Variants in GOLGA4 observed in about 807,000 individuals in gnomAD.
GOLGA4 encodes the protein golgin A4, also known as golgin subfamily A member 4.
In GOLGA4, 169 loss-of-function variants were observed where a neutral mutation model predicts 265.9. The observed-to-expected ratio is 0.64, with a 90% CI of 0.56 to 0.72. The LOEUF (loss-of-function observed/expected upper bound fraction) is 0.72, where lower values mean the gene tolerates loss of function less well. Ranked by LOEUF, GOLGA4 falls within the 30% of genes least tolerant of loss-of-function variation. The probability of loss-of-function intolerance (pLI) is 0.00; values close to 1 mark genes in which losing one functional copy is unlikely to be tolerated. For synonymous variants in GOLGA4, 923 were observed against 855.8 expected (o/e 1.08, Z -1.37); for missense variants, 2,482 against 2,483.4 (o/e 1.00, Z 0.01).
In GOLGA4 at chr3:37,335,119, A is replaced by G; in HGVS notation, c.6259A>G (p.Lys2087Glu). Residue 2087 changes from lysine (K) to glutamate (E), a missense_variant, in exon 17 of 24, where the codon AAA (lysine) becomes GAA (glutamate). By Grantham distance (56) the Lys-to-Glu change is moderately conservative. Coordinates refer to ENST00000361924, the MANE Select transcript of GOLGA4 (RefSeq NM_002078.5). ...GACTCAACTTGAGGAGCTGCAGAAG[A>G]AATACCAGCAAAAGCTAGAGCAGGA... ...LQTQLEELQK[K>E]YQQKLEQEEN... The G allele has an allele frequency of 2.1e-5, 34 of 1,608,548 alleles. No individual in the cohort carries two copies. The highest frequency in any genetic ancestry group is 2.9e-5 in the Non-Finnish European group (34 of 1,176,658).
rs992839070 is a variant in GOLGA4, at chr3:37,302,272, A to C, written c.1174A>C (p.Lys392Gln). Residue 392 changes from lysine (K) to glutamine (Q), a missense_variant, in exon 10 of 24, where the codon AAA becomes CAA. By Grantham distance (53) the Lys-to-Gln change is moderately conservative. Coordinates refer to ENST00000361924, the MANE Select transcript of GOLGA4 (RefSeq NM_002078.5). ...EEIAQLRSRI[K>Q]QMTTQGEELR... ...AATTGCTCAACTCCGTAGTCGCATC[A>C]AACAGATGACTACCCAGGGAGAGGA... The C allele has an allele frequency of 1.9e-6, 3 of 1,613,366 alleles. No homozygotes were observed. The highest frequency in any genetic ancestry group is 2.7e-5 in the African/African-American group (2 of 75,032).
At chr3:37,316,492 A>G (rs191129340) in intron 11 of GOLGA4, among the ~76,000 whole-genome samples, 152 of 152,222 alleles carry the variant, frequency 1.0e-3, no homozygotes, top group African/African-American at 3.5e-3. Context: ...CTGCTGAACT[A>G]TAGGTAATTT....
Position 37,323,936 on chromosome 3 carries a change from A to T in GOLGA4, c.2050A>T (p.Thr684Ser), listed in dbSNP as rs2096962383. ...KTLEKLDVKQ[T>S]ELESLSSELS... Reference sequence around the variant, plus strand: ...TTTAGAAAAGCTTGATGTGAAGCAAACAGAACTAGAATCATTATCTTCTGA... The same window carrying T: ...TTTAGAAAAGCTTGATGTGAAGCAATCAGAACTAGAATCATTATCTTCTGA... The change falls in exon 14 of 24, where the codon ACA becomes TCA. Residue 684 changes from threonine to serine, a missense_variant. By Grantham distance (58) the Thr-to-Ser change is moderately conservative. This residue lies in a region of GOLGA4 where 1,536 missense variants were observed against 1,483.7 expected (regional missense o/e 1.04). Coordinates refer to ENST00000361924, the MANE Select transcript of GOLGA4 (RefSeq NM_002078.5). 1 of 1,613,524 alleles carries T rather than the reference A, an allele frequency of 6.2e-7. No individual in the cohort carries two copies. Among genetic ancestry groups the T allele is most frequent in the African/African-American group, 1.3e-5 (1 of 74,900 alleles).
chr3:37,333,026 G>A (rs79142760), intron 16 of GOLGA4, among the ~76,000 whole-genome samples: 5,842 of 152,248 alleles, frequency 0.038, 143 homozygotes, highest in African/African-American at 0.056. Context: ...TTCTCTAGTC[G>A]TGAGAATCTG....
rs755782116 is a variant in GOLGA4 at position 37,302,287 on chromosome 3, C to T, written c.1189C>T (p.Gln397Ter). The T allele has an allele frequency of 2.5e-6, 4 of 1,613,186 alleles. No individual in the cohort carries two copies. Among genetic ancestry groups the T allele is most frequent in the Non-Finnish European group, 3.4e-6 (4 of 1,179,314 alleles). Residue 397 changes from glutamine to a stop codon, truncating the protein, a stop_gained, in exon 10 of 24, where the codon CAG becomes TAG. Transcript: ENST00000361924. LOFTEE classifies it high-confidence loss of function. ...TAGTCGCATCAAACAGATGACTACC[C>T]AGGGAGAGGAATTACGGGAACAGAA... ...LRSRIKQMTT[Q>*]GEELREQKEK...
rs905315990 is a variant in GOLGA4, at chr3:37,341,378, A to G, written c.6472+1179A>G. On this transcript the variant is annotated intron_variant, in intron 20 of 23. Coordinates refer to ENST00000361924, the MANE Select transcript of GOLGA4 (RefSeq NM_002078.5). ...GTTTTGTAAACCTTTCTGCTTTCCT[A>G]TGGGAAGCATGAGGACATAAAAACC... is the stretch of plus-strand genomic sequence containing the variant. Among the ~76,000 whole-genome samples, 6 of 152,114 alleles carry G rather than the reference A, an allele frequency of 3.9e-5. No individual in the cohort carries two copies. In the East Asian group the frequency reaches 7.7e-4, roughly 20 times the overall value.
intron 22 of GOLGA4, among the ~76,000 whole-genome samples, chr3:37,357,162 G>A (rs1411060455): frequency 6.6e-6 from 1 of 152,110 alleles, no homozygotes; most frequent in Non-Finnish European, 1.5e-5. Flanking sequence ...ATTCATTCTA[G>A]GTAGGGATGA....
At chr3:37,253,489 A>G (rs2096739706) in intron 2 of GOLGA4, among the ~76,000 whole-genome samples, 1 of 152,174 alleles carries the variant, frequency 6.6e-6, no homozygotes, top group Non-Finnish European at 1.5e-5. Flanking sequence ...AGTTGTCAAA[A>G]AAGCTTAAAA....
chr3:37,272,877 T>C (rs1041433400), intron 2 of GOLGA4, among the ~76,000 whole-genome samples: 1 of 152,186 alleles, frequency 6.6e-6, no homozygotes, highest in African/African-American at 2.4e-5. Flanking sequence ...GTGTAGAATT[T>C]TGAACCTCAA....
At chr3:37,282,322 C>G (rs1463514085) in intron 3 of GOLGA4, 50 bp downstream of exon 3, 16 of 1,333,996 alleles carry the variant, frequency 1.2e-5, no homozygotes, top group Admixed American at 1.7e-5. Flanking sequence ...CCCTTGTTCT[C>G]TCATTCATAT....
intron 22 of GOLGA4, among the ~76,000 whole-genome samples, chr3:37,356,739 A>C (rs2097091994): frequency 6.6e-6 from 1 of 152,176 alleles, no homozygotes; most frequent in African/African-American, 2.4e-5. Flanking sequence ...CTGTTGACAT[A>C]ATTTTGTCAT....
Position 37,281,832 on chromosome 3 carries a change from A to G in GOLGA4, c.163-126A>G, listed in dbSNP as rs572516557. On this transcript the variant is annotated intron_variant, in intron 2 of 23. Transcript: ENST00000361924. ...TTTGTTTTTCAGAAAACAATGTATT[A>G]TGTAAAATGTCAGGAATATAAATTC... 29 of 733,334 alleles carry G rather than the reference A, an allele frequency of 4.0e-5. 1 individual carries two copies. The South Asian group carries it at 4.9e-4, about 12-fold the overall frequency. 45.4% of individuals were successfully genotyped at this position (733,334 alleles called of 1,614,324 possible).
At chr3:37,315,084 G>A (rs1253328993) in intron 10 of GOLGA4, among the ~76,000 whole-genome samples, 1 of 152,102 alleles carries the variant, frequency 6.6e-6, no homozygotes, top group Non-Finnish European at 1.5e-5. Flanking sequence ...ACAGAAATAG[G>A]GACATATCTT....
At chr3:37,315,719 A>G in intron 11 of GOLGA4, 121 bp downstream of exon 11, 1 of 849,548 alleles carries the variant, frequency 1.2e-6, no homozygotes, top group Non-Finnish European at 1.9e-6. Context: ...CTGTTTTCTG[A>G]TATTCAGGTT....
intron 12 of GOLGA4, among the ~76,000 whole-genome samples, chr3:37,321,318 G>T (rs899653977): frequency 6.6e-6 from 1 of 152,108 alleles, no homozygotes; most frequent in Non-Finnish European, 1.5e-5. Context: ...GATTTTCCTT[G>T]TGGGGTCTCT....
intron 18 of GOLGA4, among the ~76,000 whole-genome samples, 179 bp downstream of exon 18, chr3:37,337,342 G>A (rs546895256): frequency 6.6e-6 from 1 of 152,028 alleles, no homozygotes; most frequent in South Asian, 2.1e-4. Flanking sequence ...GGGACTACAG[G>A]TATGTGCCAC....
chr3:37,258,282 G>A (rs1051177925), intron 2 of GOLGA4, among the ~76,000 whole-genome samples: 2 of 147,758 alleles, frequency 1.4e-5, no homozygotes, highest in African/African-American at 5.0e-5. Flanking sequence ...GCATATATAT[G>A]ATATATATAG....
chr3:37,309,462 G>A (rs2150904673), intron 10 of GOLGA4, among the ~76,000 whole-genome samples: 2 of 152,136 alleles, frequency 1.3e-5, no homozygotes, highest in Middle Eastern at 6.8e-3. Flanking sequence ...GGCTGAGGCA[G>A]GAGAATTGCT....
At chr3:37,264,331 A>G (rs992583930) in intron 2 of GOLGA4, among the ~76,000 whole-genome samples, 3 of 152,174 alleles carry the variant, frequency 2.0e-5, no homozygotes, top group Non-Finnish European at 4.4e-5. Flanking sequence ...TGGGAGAGTA[A>G]GATTTTCAGC....
Sources: gnomAD v4.1 joint callset for allele counts (sites outside exome capture counted in the v4.1 genomes callset) on GRCh38, gnomAD v4.1.1 for gene constraint, gnomAD v4.1.1 regional missense constraint, MANE v1.5 for transcripts, NCBI Gene and HGNC (gene_info 2026-07-23, HGNC 2026-07-21) for gene names.